The following SLC25A21 variants were observed in gnomAD, a reference collection of about 807,000 sequenced individuals.
The protein encoded by SLC25A21 is solute carrier family 25 member 21.
A neutral mutation model predicts 43.8 loss-of-function variants in SLC25A21; 47 were observed. The ratio of observed to expected loss-of-function variants is 1.07; its 90% CI spans 0.85 to 1.37. The LOEUF (loss-of-function observed/expected upper bound fraction) is 1.37. SLC25A21 is among the 40% of genes most tolerant of loss of function. The probability of loss-of-function intolerance (pLI) is 0.00; values close to 1 mark genes in which losing one functional copy is unlikely to be tolerated. For synonymous variants in SLC25A21, 131 were observed against 121.3 expected (o/e 1.08, Z -0.52); for missense variants, 352 against 350.2 (o/e 1.00, Z -0.04).
At chr14:36,936,789 T>C (rs1294076872) in intron 1 of SLC25A21, among the ~76,000 whole-genome samples, 2 of 152,192 alleles carry the variant, frequency 1.3e-5, no homozygotes, top group Non-Finnish European at 2.9e-5. Flanking sequence ...AAGAAAATCA[T>C]GCAGTCTCTA....
chr14:36,803,691 G>A lies in SLC25A21; in HGVS notation c.203+10227C>T, dbSNP rs374092388. 7.2e-5 allele frequency among the ~76,000 whole-genome samples: 11 copies of A among 152,232 alleles called. No homozygotes were observed. In the East Asian group the frequency reaches 1.9e-3, roughly 27 times the overall value. ...GTTCCACACAATGAGCTGTTTATCA[G>A]CAGGAAAACCAAGCCACTGTATAAG... On this transcript the variant is annotated intron_variant, in intron 3 of 9. Coordinates refer to ENST00000331299, the MANE Select transcript of SLC25A21 (RefSeq NM_030631.4).
intron 3 of SLC25A21, among the ~76,000 whole-genome samples, 191 bp from the exon 4 acceptor site, chr14:36,734,764 C>T (rs529333961): frequency 5.9e-5 from 9 of 152,072 alleles, no homozygotes; most frequent in Non-Finnish European, 1.2e-4. Flanking sequence ...AAGGTAAATA[C>T]GTGATACTGA....
At chr14:36,929,980 A>T (rs1445760683) in intron 1 of SLC25A21, among the ~76,000 whole-genome samples, 7 of 152,146 alleles carry the variant, frequency 4.6e-5, no homozygotes, top group African/African-American at 1.7e-4. Flanking sequence ...GCATATAAGA[A>T]GTCCGACTTC....
At chr14:36,721,190 A>G (rs1243168077) in intron 6 of SLC25A21, among the ~76,000 whole-genome samples, 1 of 152,234 alleles carries the variant, frequency 6.6e-6, no homozygotes, top group African/African-American at 2.4e-5. Context: ...TAAAATTCTC[A>G]TAACAATCAT....
At chr14:36,877,751 G>A (rs1263782296) in intron 1 of SLC25A21, among the ~76,000 whole-genome samples, 1 of 136,010 alleles carries the variant, frequency 7.4e-6, no homozygotes, top group African/African-American at 2.6e-5. Flanking sequence ...AAGAAGAAAA[G>A]AGGCAAGAAG....
intron 2 of SLC25A21, among the ~76,000 whole-genome samples, chr14:36,814,510 G>A (rs1199045012): frequency 6.6e-6 from 1 of 151,960 alleles, no homozygotes; most frequent in East Asian, 1.9e-4. Context: ...AGTGGGCAAA[G>A]GATACGAACA....
At chr14:36,682,156 GTCTC>G (rs552994810) in intron 9 of SLC25A21, among the ~76,000 whole-genome samples, 1 of 148,874 alleles carries the variant, frequency 6.7e-6, no homozygotes, top group Non-Finnish European at 1.5e-5. Context: ...TTTTTTTACT[GTCTC>G]TCTCTCATTC....
chr14:36,683,338 CG>C (rs1882376904), intron 9 of SLC25A21, among the ~76,000 whole-genome samples: 5 of 152,164 alleles, frequency 3.3e-5, no homozygotes, highest in African/African-American at 1.2e-4. Context: ...CAGCTAGTTA[CG>C]GTGTCACCAC....
At chr14:37,000,159 C>T (rs1960456202) in intron 1 of SLC25A21, among the ~76,000 whole-genome samples, 1 of 152,126 alleles carries the variant, frequency 6.6e-6, no homozygotes, top group Non-Finnish European at 1.5e-5. Flanking sequence ...TTTGCCTCCT[C>T]TTTCTCTCAT....
At chr14:37,032,718 G>A (rs1347618551) in intron 1 of SLC25A21, among the ~76,000 whole-genome samples, 1 of 149,302 alleles carries the variant, frequency 6.7e-6, no homozygotes, top group Admixed American at 6.7e-5. Flanking sequence ...GGGGAAATTT[G>A]TAACTGTCAT....
At chr14:36,695,176 C>T (rs1394144853) in intron 7 of SLC25A21, among the ~76,000 whole-genome samples, 1 of 152,100 alleles carries the variant, frequency 6.6e-6, no homozygotes, top group Non-Finnish European at 1.5e-5. Flanking sequence ...GAATCCTTTC[C>T]CCATTTCTTG....
chr14:36,703,547 T>C (rs2139174183), intron 7 of SLC25A21, among the ~76,000 whole-genome samples: 1 of 152,334 alleles, frequency 6.6e-6, no homozygotes, highest in South Asian at 2.1e-4. Context: ...ATTTATATCA[T>C]GGCAAAATTC....
intron 1 of SLC25A21, among the ~76,000 whole-genome samples, chr14:36,913,960 A>G (rs188393855): frequency 8.6e-4 from 131 of 152,330 alleles, no homozygotes; most frequent in Non-Finnish European, 4.4e-4. Flanking sequence ...ATTACATAGC[A>G]TAATTGCTAA....
intron 6 of SLC25A21, among the ~76,000 whole-genome samples, chr14:36,722,089 C>T (rs1349310264): frequency 4.6e-5 from 7 of 152,276 alleles, no homozygotes; most frequent in Middle Eastern, 3.4e-3. Flanking sequence ...AAGTTACTAC[C>T]CACGTGGCCA....
chr14:36,964,259 GATA>G (rs1959563659), intron 1 of SLC25A21, among the ~76,000 whole-genome samples: 1 of 152,170 alleles, frequency 6.6e-6, no homozygotes, highest in Non-Finnish European at 1.5e-5. Flanking sequence ...TACACAGTGA[GATA>G]ATAATTTTTC....
At chr14:36,910,285 T>C (rs1891651219) in intron 1 of SLC25A21, among the ~76,000 whole-genome samples, 1 of 152,194 alleles carries the variant, frequency 6.6e-6, no homozygotes, top group Non-Finnish European at 1.5e-5. Flanking sequence ...TGACCTCTAT[T>C]ACTTAGCGTC....
At chr14:37,099,051 C>T (rs908946936) in intron 1 of SLC25A21, among the ~76,000 whole-genome samples, 1 of 151,980 alleles carries the variant, frequency 6.6e-6, no homozygotes, top group African/African-American at 2.4e-5. Flanking sequence ...GATCCGCCTG[C>T]CTCGGCCTCC....
At chr14:36,693,957 C>T (rs1343489433) in intron 7 of SLC25A21, among the ~76,000 whole-genome samples, 3 of 152,256 alleles carry the variant, frequency 2.0e-5, no homozygotes, top group African/African-American at 7.2e-5. Context: ...TACATGTGCA[C>T]AATGTGCAGG....
At chr14:36,997,410 T>C (rs901986487) in intron 1 of SLC25A21, among the ~76,000 whole-genome samples, 2 of 152,260 alleles carry the variant, frequency 1.3e-5, no homozygotes, top group East Asian at 1.9e-4. Flanking sequence ...GATCAGGCTG[T>C]TGGTGAGGGC....
Sources: gnomAD v4.1 joint callset for allele counts (sites outside exome capture counted in the v4.1 genomes callset) on GRCh38, gnomAD v4.1.1 for gene constraint, MANE v1.5 for transcripts, NCBI Gene and HGNC (gene_info 2026-07-23, HGNC 2026-07-21) for gene names.